Variants in CFAP74 observed in about 807,000 individuals in gnomAD.
CFAP74 encodes cilia- and flagella-associated protein 74.
CFAP74 carries 124 observed loss-of-function variants against 188.9 expected under a neutral mutation model. The observed-to-expected ratio is 0.66, with a 90% CI of 0.57 to 0.76. The LOEUF is 0.76. Ranked by LOEUF, CFAP74 falls within the 30% of genes least tolerant of loss-of-function variation. The pLI is 0.00. For synonymous variants in CFAP74, 956 were observed against 916.7 expected (o/e 1.04, Z -0.77); for missense variants, 2,198 against 2,165.2 (o/e 1.02, Z -0.30).
In CFAP74 at chr1:1,926,700, T is replaced by C. The variant is rs1651930067; in HGVS notation, c.3724A>G (p.Thr1242Ala). Residue 1242 changes from threonine to alanine, a missense_variant, in exon 30 of 39, where the codon ACG becomes GCG. Transcript: ENST00000682832. The stretch of plus-strand genomic sequence containing the variant: ...AAGATGGTCTTGCCTTTATGGGACG[T>C]CACCACAACAGATGGTGCCACCGTC... The part of the protein sequence containing the change: ...CPTVAPSVVV[T>A]SHKGKTIFNF... 1 of 1,550,084 alleles carries C rather than the reference T, an allele frequency of 6.5e-7. No homozygotes were observed. The highest frequency in any genetic ancestry group is 8.7e-7 in the Non-Finnish European group (1 of 1,146,834).
chr1:1,993,323 C>T (rs1327615864), intron 1 of CFAP74, among the ~76,000 whole-genome samples: 2 of 151,496 alleles, frequency 1.3e-5, no homozygotes, highest in Non-Finnish European at 2.9e-5. Context: ...TTGACTCTGT[C>T]ACCCAGGCTG....
At position 1,972,990 on chromosome 1, in the gene CFAP74, G is replaced by A. The variant is rs769934952; in HGVS notation, c.732C>T (p.Asp244=). ...LGLRHQKLLE[D]ARKNHKVAVR... ...CGGCAACCTTGTGGTTCTTCCGGGC[G>A]TCCTCCAGCAGCTTCTGGTGCCTGA... is the stretch of plus-strand genomic sequence containing the variant. The change falls in exon 8 of 39, where the codon GAC becomes GAT. Residue 244 remains aspartate (D), a synonymous_variant. Transcript: ENST00000682832. 37 of 1,613,986 alleles carry A rather than the reference G, an allele frequency of 2.3e-5. No individual in the cohort carries two copies. The highest frequency in any genetic ancestry group is 3.3e-5 in the Admixed American group (2 of 60,020).
intron 18 of CFAP74, 66 bp downstream of exon 18, chr1:1,955,625 C>T (rs1391112036): frequency 6.2e-7 from 1 of 1,613,036 alleles, no homozygotes; most frequent in African/African-American, 1.3e-5. Context: ...CCCTCAGCCC[C>T]CTGGAATGCT....
In CFAP74 at chr1:1,923,090, C is replaced by T; in HGVS notation, c.4578G>A (p.Leu1526=). ...SPEAEELRPI[L]VTLDYIQFDT... ...CAAACTGGATGTAGTCCAGGGTCAC[C>T]AGGATGGGCCTCAGCTCCTCAGCTT... Residue 1526 remains leucine (L), a synonymous_variant, in exon 37 of 39, where the codon CTG becomes CTA. Transcript: ENST00000682832. The surrounding 1 kb of genome is among the most constrained non-coding windows in gnomAD (Gnocchi z 6.3). 3.1e-6 allele frequency: 5 copies of T among 1,609,696 alleles called. No homozygotes were observed. In the East Asian group the frequency reaches 6.7e-5, roughly 22 times the overall value.
intron 1 of CFAP74, among the ~76,000 whole-genome samples, chr1:1,992,073 C>T (rs1657619663): frequency 1.3e-5 from 2 of 151,312 alleles, no homozygotes; most frequent in African/African-American, 4.9e-5. Flanking sequence ...CAAAACGCTG[C>T]CAACAGTGAG....
chr1:1,923,152 G>A lies in CFAP74; in HGVS notation c.4523-7C>T. ...GGGCCTGGCCGGGAGCTGGCTGGAG[G>A]GGTGTGGCCAGGGGAGCTGTTCAGG... is the stretch of plus-strand genomic sequence containing the variant. On this transcript the variant is annotated splice_polypyrimidine_tract_variant and splice_region_variant and intron_variant, in intron 36 of 38. Coordinates refer to ENST00000682832, the MANE Select transcript of CFAP74 (RefSeq NM_001304360.2). This position sits in a 1 kb window ranked among gnomAD's most constrained non-coding sequence, Gnocchi z 6.3. 1 of 1,604,036 alleles carries A rather than the reference G, an allele frequency of 6.2e-7. No homozygotes were observed. The highest frequency in any genetic ancestry group is 8.5e-7 in the Non-Finnish European group (1 of 1,176,854).
At chr1:1,961,457 A>G (rs1005233122) in intron 14 of CFAP74, among the ~76,000 whole-genome samples, 31 of 152,176 alleles carry the variant, frequency 2.0e-4, no homozygotes, top group African/African-American at 7.5e-4. Flanking sequence ...CAGCAACAAG[A>G]GGCAGAGGGC....
chr1:1,954,979 G>T lies in CFAP74; in HGVS notation c.2176+712C>A, dbSNP rs980366674. The T allele has an allele frequency of 7.4e-6, 9 of 1,209,920 alleles. No homozygotes were observed. In the African/African-American group the frequency reaches 1.3e-4, roughly 17 times the overall value. The allele number at this position is 1,209,920 out of a possible 1,614,324, so 74.9% of individuals were successfully genotyped here. On this transcript the variant is annotated intron_variant, in intron 18 of 38. Transcript: ENST00000682832. ...CAGAAGGACGGATCTAGAACCCGAG[G>T]CTCTCTCAGGAAAGGAAACGCCACG...
intron 6 of CFAP74, among the ~76,000 whole-genome samples, chr1:1,979,045 T>A (rs74385691): frequency 8.3e-5 from 6 of 72,726 alleles, no homozygotes; most frequent in Admixed American, 1.3e-4. Flanking sequence ...GAAGGCGTCA[T>A]GTGACGAGGC....
rs1312895827 is a variant in CFAP74, at chr1:1,942,052, GAGT to G, written c.2588_2590del (p.Tyr863del). The G allele has an allele frequency of 6.5e-7, 1 of 1,528,992 alleles. No homozygotes were observed. Among genetic ancestry groups the G allele is most frequent in the African/African-American group, 1.4e-5 (1 of 72,770 alleles). 94.7% of individuals were successfully genotyped at this position (1,528,992 alleles called of 1,614,324 possible). On this transcript the variant is annotated inframe_deletion, in exon 22 of 39. Transcript: ENST00000682832. The surrounding 1 kb of genome is among the most constrained non-coding windows in gnomAD (Gnocchi z 4.3). ...CCGCGGCAGGAACTTGAGCTGCACGGAGTAGGACGACTGTGCCTGGATATAGCC... is the reference window on the plus strand; with the variant it reads ...CCGCGGCAGGAACTTGAGCTGCACGGAGGACGACTGTGCCTGGATATAGCC...
At chr1:1,972,230 A>C (rs1435696974) in intron 8 of CFAP74, 148 bp from the exon 9 acceptor site, 6 of 649,794 alleles carry the variant, frequency 9.2e-6, no homozygotes, top group African/African-American at 7.1e-5. Context: ...ACAGGCATGC[A>C]CCACCACAAA....
At chr1:1,994,373 C>T (rs1455442206) in intron 1 of CFAP74, among the ~76,000 whole-genome samples, 4 of 152,108 alleles carry the variant, frequency 2.6e-5, no homozygotes, top group African/African-American at 9.7e-5. Flanking sequence ...ACTTAGCAAT[C>T]GCTTCAGAAT....
intron 18 of CFAP74, chr1:1,955,047 C>T (rs1654465531): frequency 2.4e-6 from 3 of 1,261,594 alleles, no homozygotes; most frequent in Admixed American, 5.5e-5. Flanking sequence ...GGAAGTGCGG[C>T]TCACACCGGA....
chr1:1,939,230 G>T (rs1331915986), intron 24 of CFAP74, among the ~76,000 whole-genome samples: 17 of 152,234 alleles, frequency 1.1e-4, no homozygotes, highest in African/African-American at 2.4e-5. Context: ...GTGTGTGCTG[G>T]GGGGAGAGAG....
At chr1:1,970,899 A>C in intron 9 of CFAP74, 83 bp from the exon 10 acceptor site, 1 of 1,528,350 alleles carries the variant, frequency 6.5e-7, no homozygotes, top group Non-Finnish European at 9.0e-7. Flanking sequence ...GTGCACACAC[A>C]GGTTCATACA....
Position 1,968,217 on chromosome 1 carries a change from G to T in CFAP74, c.1245+418C>A, listed in dbSNP as rs574284812. On this transcript the variant is annotated intron_variant, in intron 11 of 38. Transcript: ENST00000682832. The surrounding 1 kb of genome is among the most constrained non-coding windows in gnomAD (Gnocchi z 4.3). ...GTGATAGGAAAGCTGTCCTCTAGGT[G>T]CTATCAGGAGTGCTTTGTAGCAGGG... 2.0e-5 allele frequency among the ~76,000 whole-genome samples: 3 copies of T among 152,348 alleles called. No individual in the cohort carries two copies. Among genetic ancestry groups the T allele is most frequent in the African/African-American group, 7.2e-5 (3 of 41,572 alleles).
Position 1,971,963 on chromosome 1 carries a change from G to T in CFAP74, c.888+17C>A. 6.3e-7 allele frequency: 1 copy of T among 1,594,970 alleles called. No homozygotes were observed. The highest frequency in any genetic ancestry group is 8.5e-7 in the Non-Finnish European group (1 of 1,170,128). On this transcript the variant is annotated intron_variant, in intron 9 of 38. Coordinates refer to ENST00000682832, the MANE Select transcript of CFAP74 (RefSeq NM_001304360.2). ...AGGGCGCCAAGGGAGAGGCTGGGTG[G>T]GGCTGCGGGGGCCTACCCGGTTCGC...
At position 1,923,980 on chromosome 1, in the gene CFAP74, C is replaced by T. The variant is rs759037985; in HGVS notation, c.4235-51G>A. ...GGCCTTCTCCACCTGCAATCACTGT[C>T]TGCCCTCCAAGCCTTGCTGCATAGA... On this transcript the variant is annotated intron_variant, in intron 34 of 38. Transcript: ENST00000682832. The surrounding 1 kb of genome is among the most constrained non-coding windows in gnomAD (Gnocchi z 6.3). The T allele has an allele frequency of 5.1e-6, 8 of 1,566,808 alleles. No homozygotes were observed. Among genetic ancestry groups the T allele is most frequent in the Non-Finnish European group, 6.1e-6 (7 of 1,154,270 alleles).
rs767548133 is a variant in CFAP74 at position 1,968,854 on chromosome 1, G to A, written c.1047-21C>T. The A allele has an allele frequency of 2.3e-5, 37 of 1,611,910 alleles. No homozygotes were observed. The highest frequency in any genetic ancestry group is 1.7e-4 in the Middle Eastern group (1 of 6,034). ...AGGCCCTGCGTGGAGTCGCTTCTCA[G>A]ATGAGTGCAAGAGGTCCCCTGCCTC... is the stretch of plus-strand genomic sequence containing the variant. On this transcript the variant is annotated intron_variant, in intron 10 of 38. Transcript: ENST00000682832. The surrounding 1 kb of genome is among the most constrained non-coding windows in gnomAD (Gnocchi z 4.3).
Sources: gnomAD v4.1 joint callset for allele counts (sites outside exome capture counted in the v4.1 genomes callset) on GRCh38, gnomAD v4.1.1 for gene constraint, Gnocchi (gnomAD v3.1) non-coding constraint, MANE v1.5 for transcripts, NCBI Gene and HGNC (gene_info 2026-07-23, HGNC 2026-07-21) for gene names.